The following TSPAN12 variants were observed in gnomAD, a reference collection of about 807,000 sequenced individuals.
The protein encoded by TSPAN12 is tetraspanin 12.
TSPAN12 carries 19 observed loss-of-function variants against 39.2 expected under a neutral mutation model. The ratio of observed to expected loss-of-function variants is 0.49; its 90% CI spans 0.34 to 0.71. The LOEUF is 0.71. Ranked by LOEUF, TSPAN12 falls within the 30% of genes least tolerant of loss-of-function variation. TSPAN12 has a pLI of 0.01. For synonymous variants in TSPAN12, 119 were observed against 124.8 expected (o/e 0.95, Z 0.31); for missense variants, 314 against 359.9 (o/e 0.87, Z 1.03).
chr7:120,831,981 C>T (rs1263680344), intron 4 of TSPAN12, among the ~76,000 whole-genome samples: 1 of 149,152 alleles, frequency 6.7e-6, no homozygotes, highest in Non-Finnish European at 1.5e-5. Flanking sequence ...ATTATAACTT[C>T]TAAAGAATTC....
chr7:120,834,948 C>G (rs561765289), intron 4 of TSPAN12, among the ~76,000 whole-genome samples: 2 of 152,310 alleles, frequency 1.3e-5, no homozygotes, highest in Admixed American at 6.5e-5. Flanking sequence ...CTAACCTTTT[C>G]TAACAGTCAA....
At chr7:120,803,490 A>G (rs1392394593) in intron 7 of TSPAN12, among the ~76,000 whole-genome samples, 1 of 152,182 alleles carries the variant, frequency 6.6e-6, no homozygotes, top group Non-Finnish European at 1.5e-5. Context: ...ATTTTTAATT[A>G]TGGATTTAAT....
chr7:120,848,972 CTCCTTGCTAAACATG>C (rs1384236067), intron 2 of TSPAN12, among the ~76,000 whole-genome samples: 1 of 152,192 alleles, frequency 6.6e-6, no homozygotes, highest in Non-Finnish European at 1.5e-5. Context: ...GAATTCAGGA[CTCCTTGCTAAACATG>C]TTATTTTCTG....
At chr7:120,839,936 G>T in intron 3 of TSPAN12, 91 bp downstream of exon 3, 1 of 1,084,962 alleles carries the variant, frequency 9.2e-7, no homozygotes, top group Non-Finnish European at 1.4e-6. Flanking sequence ...TTTTCCAAAA[G>T]ATCAAGGAAG....
At chr7:120,809,271 A>T (rs993103851) in intron 6 of TSPAN12, among the ~76,000 whole-genome samples, 5 of 152,140 alleles carry the variant, frequency 3.3e-5, no homozygotes, top group Non-Finnish European at 1.5e-5. Context: ...AACCTGGATT[A>T]TCACTGTCTA....
chr7:120,843,286 T>C (rs1794612303), intron 2 of TSPAN12, among the ~76,000 whole-genome samples: 2 of 152,368 alleles, frequency 1.3e-5, no homozygotes, highest in Admixed American at 6.5e-5. Context: ...TGCATATATA[T>C]GCCAGACACA....
chr7:120,820,138 T>C (rs990038248), intron 4 of TSPAN12, among the ~76,000 whole-genome samples: 2 of 152,126 alleles, frequency 1.3e-5, no homozygotes, highest in South Asian at 4.1e-4. Context: ...CAGTCTAGTT[T>C]GCAAAGCAAC....
chr7:120,815,932 G>A (rs1422467285), intron 4 of TSPAN12, 129 bp from the exon 5 acceptor site: 7 of 733,690 alleles, frequency 9.5e-6, no homozygotes, highest in South Asian at 3.2e-5. Flanking sequence ...CCCCTCAGAA[G>A]CAGATGGGGA....
chr7:120,853,872 C>CAAAAA (rs749642006), intron 2 of TSPAN12, among the ~76,000 whole-genome samples: 10 of 97,654 alleles, frequency 1.0e-4, no homozygotes, highest in East Asian at 2.8e-4. Flanking sequence ...GACTCCGTCC[C>CAAAAA]AAAAAAAAAA....
At chr7:120,843,320 T>C (rs1040324691) in intron 2 of TSPAN12, among the ~76,000 whole-genome samples, 1 of 152,222 alleles carries the variant, frequency 6.6e-6, no homozygotes, top group East Asian at 1.9e-4. Flanking sequence ...AACCTAAAAA[T>C]GTGCCTGAGT....
intron 5 of TSPAN12, among the ~76,000 whole-genome samples, chr7:120,810,880 A>G (rs901985646): frequency 1.3e-5 from 2 of 152,208 alleles, no homozygotes; most frequent in African/African-American, 2.4e-5. Flanking sequence ...TACATCCCAC[A>G]GACATACTGA....
At chr7:120,854,671 ACT>A (rs1394624410) in intron 2 of TSPAN12, among the ~76,000 whole-genome samples, 1 of 152,170 alleles carries the variant, frequency 6.6e-6, no homozygotes, top group African/African-American at 2.4e-5. Context: ...CACTCCTATG[ACT>A]CTAACCCAAA....
chr7:120,799,082 G>A lies in TSPAN12; in HGVS notation c.612+7467C>T, dbSNP rs3807876. 6.5e-3 allele frequency among the ~76,000 whole-genome samples: 988 copies of A among 152,178 alleles called. 20 individuals carry two copies. In the East Asian group the frequency reaches 0.067, roughly 10 times the overall value. ...CTATGCAGACTTGACCAACTTCTAT[G>A]TTGGTGTAACTAGCCAGTACCTAGC... On this transcript the variant is annotated intron_variant, in intron 7 of 7. Transcript: ENST00000222747.
In TSPAN12 at chr7:120,856,682, A is replaced by G. The variant is rs1794876345; in HGVS notation, c.66+16T>C. 7 of 1,614,018 alleles carry G rather than the reference A, an allele frequency of 4.3e-6. No individual in the cohort carries two copies. Among genetic ancestry groups the G allele is most frequent in the Non-Finnish European group, 5.9e-6 (7 of 1,179,938 alleles). ...GCCAGCCGTTCCCACCTGTTGGTGC[A>G]GTGAAACTTACTTACCCAAAAGAGC... On this transcript the variant is annotated intron_variant, in intron 2 of 7. Coordinates refer to ENST00000222747, the MANE Select transcript of TSPAN12 (RefSeq NM_012338.4).
At chr7:120,826,611 C>T (rs933067275) in intron 4 of TSPAN12, among the ~76,000 whole-genome samples, 2 of 152,142 alleles carry the variant, frequency 1.3e-5, no homozygotes, top group South Asian at 2.1e-4. Context: ...CAAAATAATA[C>T]CACACACGAT....
intron 7 of TSPAN12, among the ~76,000 whole-genome samples, chr7:120,794,320 C>T (rs1462596372): frequency 6.6e-6 from 1 of 152,176 alleles, no homozygotes. Context: ...CATTTGTCCC[C>T]ACCCAAGTCT....
chr7:120,817,392 A>T (rs1045983331), intron 4 of TSPAN12, among the ~76,000 whole-genome samples: 1 of 125,256 alleles, frequency 8.0e-6, no homozygotes, highest in East Asian at 2.3e-4. Flanking sequence ...CTGTCTCAAA[A>T]AAAAAGTGTA....
intron 7 of TSPAN12, among the ~76,000 whole-genome samples, chr7:120,803,943 A>G (rs2116339179): frequency 6.6e-6 from 1 of 152,316 alleles, no homozygotes; most frequent in African/African-American, 2.4e-5. Context: ...TTAATGTGGA[A>G]CAGTCTTCAG....
intron 2 of TSPAN12, among the ~76,000 whole-genome samples, 200 bp downstream of exon 2, chr7:120,856,498 T>C (rs1484109286): frequency 6.6e-6 from 1 of 152,222 alleles, no homozygotes; most frequent in Non-Finnish European, 1.5e-5. Flanking sequence ...AGGGGTGGAT[T>C]TCTTTGTTCT....
Sources: gnomAD v4.1 joint callset for allele counts (sites outside exome capture counted in the v4.1 genomes callset) on GRCh38, gnomAD v4.1.1 for gene constraint, MANE v1.5 for transcripts, NCBI Gene and HGNC (gene_info 2026-07-23, HGNC 2026-07-21) for gene names.